HDAC9: variants seen among roughly 807,000 people sequenced by gnomAD.
HDAC9 encodes MEF-2 interacting transcription repressor (MITR) protein.
Under a neutral mutation model 139.4 loss-of-function variants are expected in HDAC9, and 41 were observed. The ratio of observed to expected loss-of-function variants is 0.29; its 90% CI spans 0.23 to 0.38. HDAC9 has a LOEUF of 0.38. HDAC9 is among the 10% of genes least tolerant of loss of function. HDAC9 has a pLI of 1.00. For missense variants in HDAC9, 1,147 were observed against 1,297.0 expected, an observed-to-expected ratio of 0.88 and a Z score of 1.78; for synonymous variants, 517 against 476.2, an observed-to-expected ratio of 1.09 and a Z score of -1.12.
chr7:18,733,388 T>C (rs1786576424), intron 13 of HDAC9, among the ~76,000 whole-genome samples: 1 of 150,638 alleles, frequency 6.6e-6, no homozygotes, highest in African/African-American at 2.4e-5. Context: ...TAGCTTCTGT[T>C]ATTACTCATA....
intron 24 of HDAC9, among the ~76,000 whole-genome samples, chr7:18,973,554 T>C (rs886969272): frequency 6.6e-6 from 1 of 152,096 alleles, no homozygotes; most frequent in African/African-American, 2.4e-5. Flanking sequence ...TGAGACTGAA[T>C]TTCCTCCCCT....
chr7:18,949,245 C>A, intron 23 of HDAC9: 1 of 197,990 alleles, frequency 5.1e-6, no homozygotes, highest in South Asian at 8.1e-5. Flanking sequence ...CCCTTGTCAT[C>A]GTCATCTTCA....
rs775603768 is a variant in HDAC9 at position 18,662,310 on chromosome 7, G to C, written c.1468-3903G>C. On this transcript the variant is annotated intron_variant, in intron 11 of 25. Transcript: ENST00000686413. ...TAACAAGAGATTTTGGTTAAATGGT[G>C]TAGAGGAAAGCCTAAAGAGAAGGGG... Among the ~76,000 whole-genome samples the C allele has an allele frequency of 5.5e-4, 84 of 152,040 alleles. 1 individual carries two copies. Among genetic ancestry groups the C allele is most frequent in the Non-Finnish European group, 7.2e-4 (49 of 67,956 alleles).
At position 18,562,978 on chromosome 7, in the gene HDAC9, C is replaced by A. The variant is rs73062328; in HGVS notation, c.23-22303C>A. Reference sequence around the variant, plus strand: ...GTTTGCACTTTTGTTAAATTTATGCCCAACAATTTTGTTCTTCTTGATGTA... The same window carrying A: ...GTTTGCACTTTTGTTAAATTTATGCACAACAATTTTGTTCTTCTTGATGTA... On this transcript the variant is annotated intron_variant, in intron 2 of 25. Transcript: ENST00000686413. Among the ~76,000 whole-genome samples the A allele has an allele frequency of 4.7e-4, 72 of 151,840 alleles. No homozygotes were observed. In the Middle Eastern group the frequency reaches 0.01, roughly 22 times the overall value.
chr7:18,765,989 C>A (rs1054133450), intron 15 of HDAC9, among the ~76,000 whole-genome samples: 7 of 152,072 alleles, frequency 4.6e-5, no homozygotes, highest in Admixed American at 1.3e-4. Flanking sequence ...ATTTAAAAAA[C>A]CAACTAATAT....
At chr7:18,662,244 A>G (rs1346461523) in intron 11 of HDAC9, among the ~76,000 whole-genome samples, 1 of 152,106 alleles carries the variant, frequency 6.6e-6, no homozygotes, top group Non-Finnish European at 1.5e-5. Context: ...TCATATTTAA[A>G]TGGCCACTGG....
chr7:18,849,863 A>G (rs1797156562), intron 21 of HDAC9, among the ~76,000 whole-genome samples: 1 of 152,178 alleles, frequency 6.6e-6, no homozygotes, highest in Non-Finnish European at 1.5e-5. Context: ...TATGCGTATC[A>G]TGGTGTGGCA....
At position 18,793,179 on chromosome 7, in the gene HDAC9, T is replaced by A. The variant is rs902429910; in HGVS notation, c.2215-166T>A. On this transcript the variant is annotated intron_variant, in intron 16 of 25. Transcript: ENST00000686413. ...TTTTCAGCTGGCCAAGACGGAAGAC[T>A]AATGTTATTGTACATAGGCTGTTAC... The A allele has an allele frequency of 4.9e-6, 3 of 606,632 alleles. No individual in the cohort carries two copies. The African/African-American group carries it at 5.5e-5, about 11-fold the overall frequency. The allele number at this position is 606,632 out of a possible 1,614,324, so 37.6% of individuals were successfully genotyped here.
At chr7:18,422,744 G>GCACACACACACA (rs1233787931) in intron 1 of HDAC9, among the ~76,000 whole-genome samples, 5 of 26,238 alleles carry the variant, frequency 1.9e-4, no homozygotes, top group African/African-American at 3.2e-4. Context: ...ACACACACGC[G>GCACACACACACA]CACACACACA....
At chr7:18,673,067 T>C (rs576861220) in intron 12 of HDAC9, among the ~76,000 whole-genome samples, 1 of 152,164 alleles carries the variant, frequency 6.6e-6, no homozygotes, top group East Asian at 1.9e-4. Context: ...TTTTTCTTCA[T>C]GAATATTACT....
At chr7:18,869,682 C>CT (rs1368955770) in intron 21 of HDAC9, among the ~76,000 whole-genome samples, 1 of 152,148 alleles carries the variant, frequency 6.6e-6, no homozygotes, top group African/African-American at 2.4e-5. Context: ...ACATCCACTG[C>CT]TTGGCGTGTG....
intron 16 of HDAC9, among the ~76,000 whole-genome samples, chr7:18,781,298 T>C (rs1283987144): frequency 6.6e-6 from 1 of 152,082 alleles, no homozygotes; most frequent in East Asian, 1.9e-4. Flanking sequence ...CATAACGATA[T>C]TAATGTCCAG....
At chr7:18,205,796 G>A (rs1005139302) in intron 2 of HDAC9, among the ~76,000 whole-genome samples, 5 of 151,966 alleles carry the variant, frequency 3.3e-5, no homozygotes, top group African/African-American at 1.2e-4. Context: ...CGCATCTTAT[G>A]GATATTATTT....
chr7:18,675,412 TA>T (rs1387756246), intron 12 of HDAC9, among the ~76,000 whole-genome samples: 1 of 152,112 alleles, frequency 6.6e-6, no homozygotes, highest in African/African-American at 2.4e-5. Flanking sequence ...TCAGGAATTC[TA>T]AATTTTTCTG....
rs185764126 is a variant in HDAC9 at position 18,270,375 on chromosome 7, T to G, written c.25+108026T>G. Among the ~76,000 whole-genome samples, 491 of 152,084 alleles carry G rather than the reference T, an allele frequency of 3.2e-3. 2 individuals carry two copies. Among genetic ancestry groups the G allele is most frequent in the Middle Eastern group, 6.8e-3 (2 of 292 alleles). ...TTCTCTGCCACTGATTTCCTGTTAT[T>G]GGTAGAACAGGCATAGAATAAAAAA... On this transcript the variant is annotated intron_variant, in intron 2 of 12. Transcript: ENST00000417496.
chr7:18,979,813 G>A (rs931597277), intron 25 of HDAC9, among the ~76,000 whole-genome samples: 3 of 152,082 alleles, frequency 2.0e-5, no homozygotes, highest in African/African-American at 4.8e-5. Flanking sequence ...CAGATCCCAT[G>A]TGAGCTCAGA....
chr7:18,478,668 A>T (rs1471828908), intron 1 of HDAC9, among the ~76,000 whole-genome samples: 1 of 152,218 alleles, frequency 6.6e-6, no homozygotes, highest in Admixed American at 6.5e-5. Context: ...CAAAATACAA[A>T]GTATTGCTAC....
At chr7:18,543,378 C>A (rs186971789) in intron 2 of HDAC9, 5 of 152,376 alleles carry the variant, frequency 3.3e-5, no homozygotes, top group African/African-American at 1.2e-4. Flanking sequence ...CTCAACAAGC[C>A]CTGCTGCTTC....
At position 18,584,480 on chromosome 7, in the gene HDAC9, A is replaced by G. The variant is rs112170949; in HGVS notation, c.23-801A>G. ...AGTTTTTGCTAAGAATTTTATATCTATTATCTAATTTAATTTGTATAAATT... is the reference window on the plus strand; with the variant it reads ...AGTTTTTGCTAAGAATTTTATATCTGTTATCTAATTTAATTTGTATAAATT... On this transcript the variant is annotated intron_variant, in intron 2 of 25. Transcript: ENST00000686413. Among the ~76,000 whole-genome samples the G allele has an allele frequency of 3.2e-3, 492 of 152,196 alleles. 4 individuals are homozygous for G. Among genetic ancestry groups the G allele is most frequent in the African/African-American group, 0.011 (468 of 41,528 alleles).
Sources: gnomAD v4.1 joint callset for allele counts (sites outside exome capture counted in the v4.1 genomes callset) on GRCh38, gnomAD v4.1.1 for gene constraint, MANE v1.5 for transcripts, NCBI Gene and HGNC (gene_info 2026-07-23, HGNC 2026-07-21) for gene names.